The following PRXL2B variants were observed in gnomAD, a reference collection of about 807,000 sequenced individuals.
The protein encoded by PRXL2B is prostamide/prostaglandin F synthase.
In PRXL2B, 26 loss-of-function variants were observed where a neutral mutation model predicts 24.4. That is an observed-to-expected ratio of 1.07 (90% confidence interval 0.78 to 1.48). The LOEUF (loss-of-function observed/expected upper bound fraction) is 1.48. Among genes scored for constraint, PRXL2B ranks in the 40% most tolerant of loss-of-function variants. PRXL2B has a pLI of 0.00. For synonymous variants in PRXL2B, 115 were observed against 118.9 expected, an observed-to-expected ratio of 0.97 and a Z score of 0.21; for missense variants, 269 against 264.8, an observed-to-expected ratio of 1.02 and a Z score of -0.11.
chr1:2,586,729 C>G (rs1270396236), upstream of PRXL2B: 1 of 1,213,398 alleles, frequency 8.2e-7, no homozygotes, highest in Admixed American at 4.8e-5. Flanking sequence ...CCCGAAGGGG[C>G]GGGGCCTCGG....
chr1:2,586,751 A>C, upstream of PRXL2B: 3 of 1,236,740 alleles, frequency 2.4e-6, no homozygotes, highest in Non-Finnish European at 3.0e-6. Flanking sequence ...GGCAGCAAGA[A>C]AGGCGGGACC....
rs370643221 is a variant in PRXL2B at position 2,589,266 on chromosome 1, A to C, written c.580-144A>C. 23 of 1,294,950 alleles carry C rather than the reference A, an allele frequency of 1.8e-5. No individual in the cohort carries two copies. The African/African-American group carries it at 2.8e-4, about 16-fold the overall frequency. The allele number at this position is 1,294,950 out of a possible 1,614,324, so 80.2% of individuals were successfully genotyped here. On this transcript the variant is annotated intron_variant, in intron 6 of 6. Transcript: ENST00000419916. Reference sequence around the variant, plus strand: ...GGACAGGCACCTTGGGACTGTCCTCAGAGGTGGGGGCGACACATGGGGTGG... The same window carrying C: ...GGACAGGCACCTTGGGACTGTCCTCCGAGGTGGGGGCGACACATGGGGTGG...
Position 2,586,852 on chromosome 1 carries a change from G to T in PRXL2B, c.-34G>T, listed in dbSNP as rs1279077147. The T allele has an allele frequency of 7.8e-7, 1 of 1,284,790 alleles. No individual in the cohort carries two copies. The highest frequency in any genetic ancestry group is 3.1e-5 in the East Asian group (1 of 32,680). 79.6% of individuals were successfully genotyped at this position (1,284,790 alleles called of 1,614,324 possible). On this transcript the variant is annotated 5_prime_UTR_variant, in exon 1 of 7. Coordinates refer to ENST00000419916, the MANE Select transcript of PRXL2B (RefSeq NM_152371.5). ...AGCCGGGAGCGGGGAACAGGGAGTC[G>T]GGGAGCCGGGAACCAGGGCTGGCAG... is the stretch of plus-strand genomic sequence containing the variant.
In PRXL2B at chr1:2,591,024, G is replaced by C; in HGVS notation, c.*1597G>C. 1 of 1,604,872 alleles carries C rather than the reference G, an allele frequency of 6.2e-7. No individual in the cohort carries two copies. ...GCGGCATCGCTCCTTGGGGTGCATGGGGGTGCCCCGGGCACAGTGGAACGT... is the reference window on the plus strand; with the variant it reads ...GCGGCATCGCTCCTTGGGGTGCATGCGGGTGCCCCGGGCACAGTGGAACGT... On this transcript the variant is annotated 3_prime_UTR_variant, in exon 7 of 7. Transcript: ENST00000419916.
intron 5 of PRXL2B, 65 bp downstream of exon 5, chr1:2,588,690 C>T (rs983913183): frequency 2.4e-5 from 37 of 1,536,640 alleles, no homozygotes; most frequent in Non-Finnish European, 3.3e-5. Context: ...GGTGGCCCAG[C>T]CCAGGCCCTC....
chr1:2,586,582 T>C (rs921663394), upstream of PRXL2B: 1 of 499,364 alleles, frequency 2.0e-6, no homozygotes, highest in Non-Finnish European at 3.1e-6. Flanking sequence ...ATCTCGAGGC[T>C]TGGCCTGGAG....
chr1:2,586,675 G>A (rs1431756746), upstream of PRXL2B: 7 of 1,173,834 alleles, frequency 6.0e-6, no homozygotes, highest in Non-Finnish European at 7.5e-6. Context: ...CGTGGCCGGG[G>A]CGCGCTGCGG....
Position 2,591,053 on chromosome 1 carries a change from T to C in PRXL2B, c.*1626T>C. The C allele has an allele frequency of 6.2e-7, 1 of 1,606,712 alleles. No homozygotes were observed. On this transcript the variant is annotated 3_prime_UTR_variant, in exon 7 of 7. Transcript: ENST00000419916. The stretch of plus-strand genomic sequence containing the variant: ...TGCCCCGGGCACAGTGGAACGTGTC[T>C]GCGAAGGCGGCCAGGTTCTGCAGCG...
upstream of PRXL2B, chr1:2,586,655 C>G (rs914863992): frequency 4.9e-6 from 5 of 1,012,900 alleles, no homozygotes; most frequent in Non-Finnish European, 6.2e-6. Flanking sequence ...GCTCGGGGTG[C>G]GGTCGGGGGC....
intron 6 of PRXL2B, 118 bp from the exon 7 acceptor site, chr1:2,589,292 C>T (rs1644616695): frequency 1.3e-5 from 19 of 1,428,118 alleles, no homozygotes; most frequent in South Asian, 5.3e-5. Flanking sequence ...CATGGGGTGG[C>T]GGGCAGAGAG....
At position 2,586,937 on chromosome 1, in the gene PRXL2B, G is replaced by C. The variant is rs888753734; in HGVS notation, c.52G>C (p.Val18Leu). The C allele has an allele frequency of 1.1e-5, 15 of 1,322,028 alleles. No homozygotes were observed. Among genetic ancestry groups the C allele is most frequent in the Non-Finnish European group, 1.4e-5 (15 of 1,039,410 alleles). The allele number at this position is 1,322,028 out of a possible 1,614,324, so 81.9% of individuals were successfully genotyped here. A position where few individuals can be genotyped will look rare whatever the true frequency, so the allele number is the denominator to read the frequency against. The change falls in exon 1 of 7, where the codon GTG (valine) becomes CTG (leucine). Residue 18 changes from valine to leucine, a missense_variant. By Grantham distance (32) the Val-to-Leu change is conservative. Coordinates refer to ENST00000419916, the MANE Select transcript of PRXL2B (RefSeq NM_152371.5). ...GGGCGCGTGCATCCTGAAGCATGCG[G>C]TGACCGGGGAGGTGAGGCCGGGTGG... ...RVGACILKHA[V>L]TGEAVELRSL...
chr1:2,589,274 G>A (rs1644615651), intron 6 of PRXL2B, 136 bp from the exon 7 acceptor site: 65 of 1,341,112 alleles, frequency 4.8e-5, no homozygotes, highest in Non-Finnish European at 6.6e-5. Flanking sequence ...TCAGAGGTGG[G>A]GGCGACACAT....
Position 2,589,700 on chromosome 1 carries a change from T to C in PRXL2B, c.*273T>C. The C allele has an allele frequency of 1.8e-6, 1 of 567,094 alleles. No homozygotes were observed. The highest frequency in any genetic ancestry group is 3.1e-6 in the Non-Finnish European group (1 of 318,718). The allele number at this position is 567,094 out of a possible 1,614,324, so 35.1% of individuals were successfully genotyped here. A position where few individuals can be genotyped will look rare whatever the true frequency, so the allele number is the denominator to read the frequency against. Reference sequence around the variant, plus strand: ...CTGTGAGTCCCAGGTGTCATCTTCCTGCTCTGCGACTTTCTCTGGAGACCT... The same window carrying C: ...CTGTGAGTCCCAGGTGTCATCTTCCCGCTCTGCGACTTTCTCTGGAGACCT... On this transcript the variant is annotated 3_prime_UTR_variant, in exon 7 of 7. Transcript: ENST00000419916.
At position 2,588,965 on chromosome 1, in the gene PRXL2B, C is replaced by A; in HGVS notation, c.504C>A (p.Gly168=). 2 of 1,613,358 alleles carry A rather than the reference C, an allele frequency of 1.2e-6. No individual in the cohort carries two copies. Among genetic ancestry groups the A allele is most frequent in the Non-Finnish European group, 1.7e-6 (2 of 1,179,998 alleles). Reference sequence around the variant, plus strand: ...TGCATTTCGTCCAGAAGTCCCCAGGCGACTACGTCCCCAAGGAGCACATCC... The same window carrying A: ...TGCATTTCGTCCAGAAGTCCCCAGGAGACTACGTCCCCAAGGAGCACATCC... ...VLLHFVQKSP[G]DYVPKEHILQ... Residue 168 remains glycine (G), a synonymous_variant, in exon 6 of 7, where the codon GGC becomes GGA. Coordinates refer to ENST00000419916, the MANE Select transcript of PRXL2B (RefSeq NM_152371.5).
rs760460658 is a variant in PRXL2B at position 2,587,449 on chromosome 1, C to G, written c.268+154C>G. 1.3e-5 allele frequency among the ~76,000 whole-genome samples: 2 copies of G among 152,114 alleles called. No individual in the cohort carries two copies. Among genetic ancestry groups the G allele is most frequent in the Non-Finnish European group, 2.9e-5 (2 of 68,020 alleles). On this transcript the variant is annotated intron_variant, in intron 2 of 6. Transcript: ENST00000419916. The surrounding 1 kb of genome is among the most constrained non-coding windows in gnomAD (Gnocchi z 6.1). ...TCCCTCATCTCTCCCTGCCTCCCCG[C>G]CCCGCAGCTGGTGGCTGGGTGGTGC...
intron 5 of PRXL2B, 74 bp downstream of exon 5, chr1:2,588,699 T>C (rs895109088): frequency 1.3e-6 from 2 of 1,508,980 alleles, no homozygotes; most frequent in Non-Finnish European, 1.8e-6. Context: ...GCCCAGGCCC[T>C]CTCTCTGGCT....
Position 2,590,795 on chromosome 1 carries a change from T to C in PRXL2B, c.*1368T>C. 2.4e-6 allele frequency: 1 copy of C among 424,748 alleles called. No homozygotes were observed. Among genetic ancestry groups the C allele is most frequent in the Non-Finnish European group, 4.1e-6 (1 of 241,752 alleles). 26.3% of individuals were successfully genotyped at this position (424,748 alleles called of 1,614,324 possible). A position where few individuals can be genotyped will look rare whatever the true frequency, so the allele number is the denominator to read the frequency against. ...TCTGTGGAGGGGGCTCCGGTCCAGGTACTGCACTGGACACTGCTCATCCCT... is the reference window on the plus strand; with the variant it reads ...TCTGTGGAGGGGGCTCCGGTCCAGGCACTGCACTGGACACTGCTCATCCCT... On this transcript the variant is annotated 3_prime_UTR_variant, in exon 7 of 7. Transcript: ENST00000419916.
Position 2,587,309 on chromosome 1 carries a change from C to G in PRXL2B, c.268+14C>G. 1 of 1,551,464 alleles carries G rather than the reference C, an allele frequency of 6.4e-7. No individual in the cohort carries two copies. Among genetic ancestry groups the G allele is most frequent in the African/African-American group, 1.4e-5 (1 of 73,642 alleles). The stretch of plus-strand genomic sequence containing the variant: ...ACTTCGCGGGAGGTGCGTCCTGTTC[C>G]CCGCCGCGGCGGCGCACATACCCTT... On this transcript the variant is annotated intron_variant, in intron 2 of 6. Transcript: ENST00000419916. This position sits in a 1 kb window ranked among gnomAD's most constrained non-coding sequence, Gnocchi z 6.1.
Position 2,588,471 on chromosome 1 carries a change from G to T in PRXL2B, c.384+18G>T. 1 of 1,614,072 alleles carries T rather than the reference G, an allele frequency of 6.2e-7. No individual in the cohort carries two copies. ...CTGCCAAGGTGTGTGCGGGTCAAGG[G>T]TGTACAGGCCGGGGGGTGGTGGGAG... On this transcript the variant is annotated intron_variant, in intron 4 of 6. Transcript: ENST00000419916.
Sources: allele counts gnomAD v4.1 joint callset (sites outside exome capture counted in the v4.1 genomes callset), GRCh38; gene constraint gnomAD v4.1.1; non-coding constraint Gnocchi (gnomAD v3.1); transcripts MANE v1.5; gene names NCBI Gene and HGNC (gene_info 2026-07-23, HGNC 2026-07-21).